Variants in DIMT1 observed in about 807,000 individuals in gnomAD.
The protein encoded by DIMT1 is DIM1 rRNA methyltransferase and ribosome maturation factor.
DIMT1 carries 36 observed loss-of-function variants against 43.2 expected under a neutral mutation model. The ratio of observed to expected loss-of-function variants is 0.83; its 90% CI spans 0.64 to 1.10. The LOEUF (loss-of-function observed/expected upper bound fraction) is 1.10, where lower values mean the gene tolerates loss of function less well. Ranked by LOEUF, DIMT1 falls within the 50% of genes least tolerant of loss-of-function variation. The pLI, the probability that DIMT1 is intolerant of heterozygous loss-of-function variation, is 0.00. For missense variants in DIMT1, 341 were observed against 385.3 expected, an observed-to-expected ratio of 0.88 and a Z score of 0.96; for synonymous variants, 126 against 130.3, an observed-to-expected ratio of 0.97 and a Z score of 0.22.
chr5:62,388,963 A>G lies in DIMT1; in HGVS notation c.*47T>C, dbSNP rs1742163960. The G allele has an allele frequency of 6.5e-7, 1 of 1,549,036 alleles. No homozygotes were observed. Among genetic ancestry groups the G allele is most frequent in the Non-Finnish European group, 8.8e-7 (1 of 1,130,110 alleles). On this transcript the variant is annotated 3_prime_UTR_variant, in exon 12 of 12. Coordinates refer to ENST00000199320, the MANE Select transcript of DIMT1 (RefSeq NM_014473.4). ...TATCTTCTCAAATACAAAAAATACA[A>G]AATTCATTTCTTTTCTTGACCTTGA...
At chr5:62,400,251 A>C (rs1468044919) in intron 3 of DIMT1, among the ~76,000 whole-genome samples, 1 of 152,058 alleles carries the variant, frequency 6.6e-6, no homozygotes, top group Non-Finnish European at 1.5e-5. Context: ...TTTATTAAAA[A>C]ATAATTTTTT....
In DIMT1 at chr5:62,398,815, C is replaced by G; in HGVS notation, c.302+5G>C. ...ATGCACTTTAATTCTATTATGTATA[C>G]TCACGTGCCCTGAACTCTTTTGTGA... On this transcript the variant is annotated splice_donor_5th_base_variant and intron_variant, in intron 4 of 11. Coordinates refer to ENST00000199320, the MANE Select transcript of DIMT1 (RefSeq NM_014473.4). The G allele has an allele frequency of 6.2e-7, 1 of 1,613,994 alleles. No homozygotes were observed.
At chr5:62,393,748 CTTTTTTT>C (rs371690239) in intron 8 of DIMT1, among the ~76,000 whole-genome samples, 200 bp downstream of exon 8, 10 of 145,228 alleles carry the variant, frequency 6.9e-5, no homozygotes, top group African/African-American at 2.5e-4. Context: ...TCCATTTTTT[CTTTTTTT>C]TTTTTGAGAC....
intron 10 of DIMT1, 131 bp downstream of exon 10, chr5:62,392,040 T>C (rs762174473): frequency 1.7e-5 from 27 of 1,564,928 alleles, no homozygotes; most frequent in Non-Finnish European, 2.3e-5. Context: ...GTGCTAGTTA[T>C]ACATTATATA....
In DIMT1 at chr5:62,392,273, AAGTC is replaced by A. The variant is rs745676755; in HGVS notation, c.729-43_729-40del. ...AAGTGATGCCACTGTTATTATTCCA[AAGTC>A]AGAGTAATTTCTTACTTTTTTAAAC... On this transcript the variant is annotated intron_variant, in intron 9 of 11. Transcript: ENST00000199320. 7.0e-6 allele frequency: 11 copies of A among 1,564,776 alleles called. No homozygotes were observed. In the East Asian group the frequency reaches 2.0e-4, roughly 29 times the overall value.
In DIMT1 at chr5:62,392,198, G is replaced by C. The variant is rs1742329668; in HGVS notation, c.765C>G (p.Tyr255Ter). Residue 255 changes from tyrosine (Y) to a stop codon, truncating the protein, a stop_gained, in exon 10 of 12, where the codon TAC (tyrosine) becomes TAG (stop). Coordinates refer to ENST00000199320, the MANE Select transcript of DIMT1 (RefSeq NM_014473.4). LOFTEE classifies it high-confidence loss of function. ...TATTATGGACTGAACAGTGAATTCTGTAGTTTTTTTCCAAGAGTTGTTGCA... is the reference window on the plus strand; with the variant it reads ...TATTATGGACTGAACAGTGAATTCTCTAGTTTTTTTCCAAGAGTTGTTGCA... Reference protein sequence around the residue: ...SAVQQLLEKNYRIHCSVHNII... With the variant: ...SAVQQLLEKN 1.2e-6 allele frequency: 2 copies of C among 1,613,580 alleles called. No homozygotes were observed. Among genetic ancestry groups the C allele is most frequent in the Non-Finnish European group, 1.7e-6 (2 of 1,179,736 alleles).
Position 62,388,569 on chromosome 5 carries a change from A to G in DIMT1, c.*441T>C, listed in dbSNP as rs140293762. On this transcript the variant is annotated 3_prime_UTR_variant, in exon 12 of 12. Transcript: ENST00000199320. ...TTACTGTACATGTGAATAACAAGAA[A>G]TGGTACGGGGAATGTGAATAACACG... The G allele has an allele frequency of 4.4e-5, 7 of 158,158 alleles. No homozygotes were observed. The highest frequency in any genetic ancestry group is 1.7e-4 in the African/African-American group (7 of 41,686). The allele number at this position is 158,158 out of a possible 1,614,324, so 9.8% of individuals were successfully genotyped here. A position where few individuals can be genotyped will look rare whatever the true frequency, so the allele number is the denominator to read the frequency against.
At chr5:62,394,737 T>C in intron 6 of DIMT1, 130 bp from the exon 7 acceptor site, 2 of 1,323,288 alleles carry the variant, frequency 1.5e-6, no homozygotes, top group Non-Finnish European at 2.1e-6. Flanking sequence ...GGAGAACACA[T>C]TCAGCCTTTT....
chr5:62,396,802 G>A (rs1742514128), intron 6 of DIMT1, among the ~76,000 whole-genome samples: 1 of 152,146 alleles, frequency 6.6e-6, no homozygotes, highest in African/African-American at 2.4e-5. Context: ...CTTTGCTCTT[G>A]ACTGGTCTGC....
At chr5:62,392,293 T>A (rs1438675262) in intron 9 of DIMT1, 59 bp from the exon 10 acceptor site, 1 of 1,450,838 alleles carries the variant, frequency 6.9e-7, no homozygotes, top group East Asian at 2.3e-5. Flanking sequence ...AATTTCTTAC[T>A]TTTTTAAACT....
At chr5:62,398,287 T>C in intron 6 of DIMT1, 3 of 501,074 alleles carry the variant, frequency 6.0e-6, no homozygotes, top group Non-Finnish European at 1.1e-5. Context: ...GCAGGAAGAT[T>C]CAAAAATAGG....
intron 6 of DIMT1, among the ~76,000 whole-genome samples, chr5:62,396,302 G>C (rs1742493549): frequency 6.6e-6 from 1 of 151,938 alleles, no homozygotes; most frequent in Non-Finnish European, 1.5e-5. Flanking sequence ...TTGAGCTCAG[G>C]AGGGGGAGAC....
intron 3 of DIMT1, among the ~76,000 whole-genome samples, chr5:62,399,430 C>T (rs1390123486): frequency 6.6e-6 from 1 of 151,662 alleles, no homozygotes; most frequent in East Asian, 1.9e-4. Flanking sequence ...CGCACCATTG[C>T]ACTCCAGCTT....
At chr5:62,392,369 T>G in intron 9 of DIMT1, 135 bp from the exon 10 acceptor site, 1 of 684,488 alleles carries the variant, frequency 1.5e-6, no homozygotes, top group Non-Finnish European at 2.5e-6. Flanking sequence ...AAATCTATAT[T>G]CTGTATGGTG....
At chr5:62,394,260 GTT>G (rs1271724333) in intron 7 of DIMT1, among the ~76,000 whole-genome samples, 18 of 152,170 alleles carry the variant, frequency 1.2e-4, no homozygotes, top group Admixed American at 2.0e-4. Flanking sequence ...GAGCCCAGGA[GTT>G]CAAGACCAAC....
chr5:62,394,130 C>T lies in DIMT1; in HGVS notation c.571-83G>A, dbSNP rs146730086. The T allele has an allele frequency of 1.6e-4, 201 of 1,227,084 alleles. No individual in the cohort carries two copies. In the African/African-American group the frequency reaches 2.2e-3, roughly 13 times the overall value. 76.0% of individuals were successfully genotyped at this position (1,227,084 alleles called of 1,614,324 possible). On this transcript the variant is annotated intron_variant, in intron 7 of 11. Transcript: ENST00000199320. ...AGATATGCTATCCTCACAGAAGGCA[C>T]AACTGGATGCTCAAGGATGAATTAA...
chr5:62,403,862 A>T lies in DIMT1; in HGVS notation c.-90T>A. On this transcript the variant is annotated 5_prime_UTR_variant, in exon 1 of 12. Transcript: ENST00000199320. ...AAGCCACCACGTGGGGATCGCCGCC[A>T]CGCGCCGCCCGCACCACTCTGGCCC... The T allele has an allele frequency of 7.2e-7, 1 of 1,387,156 alleles. No individual in the cohort carries two copies. The highest frequency in any genetic ancestry group is 9.9e-7 in the Non-Finnish European group (1 of 1,012,970). The allele number at this position is 1,387,156 out of a possible 1,614,324, so 85.9% of individuals were successfully genotyped here. A position where few individuals can be genotyped will look rare whatever the true frequency, so the allele number is the denominator to read the frequency against.
chr5:62,388,153 G>A lies in DIMT1; in HGVS notation c.*857C>T, dbSNP rs1414032080. The A allele has an allele frequency of 6.6e-6, 1 of 151,988 alleles. No individual in the cohort carries two copies. Among genetic ancestry groups the A allele is most frequent in the Non-Finnish European group, 1.5e-5 (1 of 68,008 alleles). The allele number at this position is 151,988 out of a possible 1,614,324, so 9.4% of individuals were successfully genotyped here. A position where few individuals can be genotyped will look rare whatever the true frequency, so the allele number is the denominator to read the frequency against. On this transcript the variant is annotated 3_prime_UTR_variant, in exon 12 of 12. Transcript: ENST00000199320. ...GCACCAGGTATATGAAAAAGGAACT[G>A]GAAATTTTAATTGTCCAGAAATCAT...
chr5:62,394,738 T>C (rs944382762), intron 6 of DIMT1, 131 bp from the exon 7 acceptor site: 1 of 1,323,714 alleles, frequency 7.6e-7, no homozygotes, highest in Middle Eastern at 2.7e-4. Flanking sequence ...GAGAACACAT[T>C]CAGCCTTTTT....
Sources: gnomAD v4.1 joint callset for allele counts (sites outside exome capture counted in the v4.1 genomes callset) on GRCh38, gnomAD v4.1.1 for gene constraint, MANE v1.5 for transcripts, NCBI Gene and HGNC (gene_info 2026-07-23, HGNC 2026-07-21) for gene names.